Variants in FREM1 observed in about 807,000 individuals in gnomAD.
The protein encoded by FREM1 is FRAS1 related extracellular matrix 1.
Under a neutral mutation model 210.1 loss-of-function variants are expected in FREM1, and 220 were observed. The ratio of observed to expected loss-of-function variants is 1.05; its 90% confidence interval spans 0.94 to 1.17. The LOEUF is 1.17. Among genes scored for constraint, FREM1 ranks in the 50% most tolerant of loss-of-function variants. FREM1 has a pLI of 0.00. For synonymous variants in FREM1, 1,189 were observed against 980.2 expected (o/e 1.21, Z -3.98); for missense variants, 3,454 against 2,675.5 (o/e 1.29, Z -6.42).
rs1476423801 is a variant in FREM1, at chr9:14,804,980, A to G, written c.3447T>C (p.Pro1149=). The G allele has an allele frequency of 6.2e-7, 1 of 1,613,010 alleles. No homozygotes were observed. The highest frequency in any genetic ancestry group is 1.1e-5 in the South Asian group (1 of 91,050). ...CAGTAATATTCTGCACTACAAAGTC[A>G]GGAGCTTCATCATTTGTGGGGTTGA... ...IIINPTNDEA[P]DFVVQNITVC... The change falls in exon 19 of 37, where the codon CCT becomes CCC. Residue 1149 remains proline (P), a synonymous_variant. Coordinates refer to ENST00000380880, the MANE Select transcript of FREM1 (RefSeq NM_001379081.2).
At chr9:14,866,628 G>C (rs954497321) in intron 2 of FREM1, among the ~76,000 whole-genome samples, 4 of 152,116 alleles carry the variant, frequency 2.6e-5, no homozygotes, top group African/African-American at 9.7e-5. Flanking sequence ...GCTACCAGTG[G>C]GAATTTTCCT....
At chr9:14,800,967 C>A (rs1384229965) in intron 20 of FREM1, among the ~76,000 whole-genome samples, 1 of 151,942 alleles carries the variant, frequency 6.6e-6, no homozygotes, top group Non-Finnish European at 1.5e-5. Flanking sequence ...TGCATGTATA[C>A]ATTGTGAAAT....
At chr9:14,748,064 G>T (rs1307226904) in intron 31 of FREM1, among the ~76,000 whole-genome samples, 2 of 152,118 alleles carry the variant, frequency 1.3e-5, no homozygotes, top group Non-Finnish European at 2.9e-5. Flanking sequence ...GTGTTAATAA[G>T]GTCAAAGCCA....
At chr9:14,774,776 G>A (rs564910518) in intron 25 of FREM1, among the ~76,000 whole-genome samples, 1 of 152,262 alleles carries the variant, frequency 6.6e-6, no homozygotes, top group South Asian at 2.1e-4. Flanking sequence ...CCTTGTAACA[G>A]TCAACAAATG....
intron 1 of FREM1, among the ~76,000 whole-genome samples, chr9:14,895,620 C>T (rs1837571579): frequency 6.6e-6 from 1 of 151,858 alleles, no homozygotes; most frequent in Admixed American, 6.6e-5. Flanking sequence ...CTTATTTTGC[C>T]TTACTGTTGT....
intron 22 of FREM1, among the ~76,000 whole-genome samples, chr9:14,791,339 G>A (rs181092540): frequency 2.6e-5 from 4 of 152,302 alleles, no homozygotes; most frequent in African/African-American, 9.6e-5. Context: ...CCTACCCCTA[G>A]AATCCTCCCT....
At chr9:14,752,842 G>A (rs998396430) in intron 29 of FREM1, among the ~76,000 whole-genome samples, 1 of 151,660 alleles carries the variant, frequency 6.6e-6, no homozygotes, top group African/African-American at 2.4e-5. Flanking sequence ...TAAAATTATA[G>A]TACCCCCCAA....
intron 13 of FREM1, 38 bp from the exon 14 acceptor site, chr9:14,819,480 T>C (rs747557832): frequency 7.6e-7 from 1 of 1,316,334 alleles, no homozygotes; most frequent in East Asian, 2.3e-5. Flanking sequence ...CAAAGCCTTT[T>C]TCCATGACCC....
intron 3 of FREM1, among the ~76,000 whole-genome samples, chr9:14,861,363 ATATACACG>A (rs1437246090): frequency 3.4e-5 from 3 of 88,880 alleles, no homozygotes; most frequent in African/African-American, 1.2e-4. Flanking sequence ...ATATACACAT[ATATACACG>A]TATATACATA....
At chr9:14,880,574 A>T (rs1178048849) in intron 1 of FREM1, among the ~76,000 whole-genome samples, 1 of 149,380 alleles carries the variant, frequency 6.7e-6, no homozygotes, top group Non-Finnish European at 1.5e-5. Context: ...ACTGCACTCC[A>T]GCCTGGGTAA....
intron 10 of FREM1, among the ~76,000 whole-genome samples, chr9:14,832,428 T>C (rs9792614): frequency 0.44 from 66,497 of 152,012 alleles, 14,976 homozygotes; most frequent in African/African-American, 0.55. Context: ...AGATAAGCAA[T>C]ATGTCTCCTA....
chr9:14,834,193 G>A (rs905508332), intron 10 of FREM1, among the ~76,000 whole-genome samples: 3 of 152,062 alleles, frequency 2.0e-5, no homozygotes, highest in Admixed American at 1.3e-4. Flanking sequence ...GGAAAATAAG[G>A]CAACATCTCC....
Position 14,747,357 on chromosome 9 carries a change from G to C in FREM1, c.5916C>G (p.Ser1972=), listed in dbSNP as rs758886562. ...TTGTCTTTTGTGGCTGACTAATGAT[G>C]GATACTTTGGCCTTCCTTTTGTGAG... ...FPTHKRKAKV[S]IISQPQKTIK... is the part of the protein sequence containing the mutation. The change falls in exon 33 of 37, where the codon TCC becomes TCG. Residue 1972 remains serine (S), a synonymous_variant. Coordinates refer to ENST00000380880, the MANE Select transcript of FREM1 (RefSeq NM_001379081.2). The C allele has an allele frequency of 1.2e-6, 2 of 1,613,488 alleles. No homozygotes were observed. The highest frequency in any genetic ancestry group is 2.2e-5 in the East Asian group (1 of 44,842).
At chr9:14,767,047 T>G (rs1846557840) in intron 27 of FREM1, among the ~76,000 whole-genome samples, 1 of 152,200 alleles carries the variant, frequency 6.6e-6, no homozygotes, top group Non-Finnish European at 1.5e-5. Flanking sequence ...TACACATTTC[T>G]TTTGTTTTTC....
At position 14,859,441 on chromosome 9, in the gene FREM1, C is replaced by T; in HGVS notation, c.373G>A (p.Val125Ile). 6.2e-7 allele frequency: 1 copy of T among 1,613,734 alleles called. No homozygotes were observed. The highest frequency in any genetic ancestry group is 8.5e-7 in the Non-Finnish European group (1 of 1,179,728). The part of the protein sequence containing the change: ...DTFIETFILW[V>I]YLLEPDCNII... ...TTACAGTCTGGTTCCAGGAGATAGA[C>T]CCACAGGATAAAAGTTTCTATGAAG... Residue 125 changes from valine (V) to isoleucine (I), a missense_variant, in exon 4 of 37, where the codon GTC becomes ATC. Coordinates refer to ENST00000380880, the MANE Select transcript of FREM1 (RefSeq NM_001379081.2).
intron 27 of FREM1, among the ~76,000 whole-genome samples, chr9:14,761,213 G>T (rs1333779451): frequency 6.6e-6 from 1 of 152,110 alleles, no homozygotes; most frequent in Non-Finnish European, 1.5e-5. Context: ...TGTCCACACT[G>T]ATCATGTGTC....
chr9:14,851,933 C>T (rs1044191169), intron 5 of FREM1, among the ~76,000 whole-genome samples: 5 of 152,182 alleles, frequency 3.3e-5, no homozygotes, highest in Non-Finnish European at 7.3e-5. Context: ...ATTCTATCTC[C>T]AACACTTTTA....
intron 16 of FREM1, among the ~76,000 whole-genome samples, chr9:14,812,358 A>C (rs778575855): frequency 6.6e-6 from 1 of 152,202 alleles, no homozygotes; most frequent in Non-Finnish European, 1.5e-5. Flanking sequence ...TGGGTAAGAC[A>C]TTATCGTTAC....
chr9:14,792,104 A>C (rs1410177818), intron 22 of FREM1, among the ~76,000 whole-genome samples: 1 of 152,136 alleles, frequency 6.6e-6, no homozygotes, highest in Non-Finnish European at 1.5e-5. Flanking sequence ...TGGCCTCCCA[A>C]AGTGCTGGGA....
Sources: allele counts gnomAD v4.1 joint callset (sites outside exome capture counted in the v4.1 genomes callset), GRCh38; gene constraint gnomAD v4.1.1; transcripts MANE v1.5; gene names NCBI Gene and HGNC (gene_info 2026-07-23, HGNC 2026-07-21).